RAB31: variants seen among roughly 807,000 people sequenced by gnomAD.
RAB31 encodes RAB31, member RAS oncogene family.
Under a neutral mutation model 25.6 loss-of-function variants are expected in RAB31, and 21 were observed. The ratio of observed to expected loss-of-function variants is 0.82; its 90% CI spans 0.58 to 1.18. RAB31 has a LOEUF of 1.18. Among genes scored for constraint, RAB31 ranks in the 50% most tolerant of loss-of-function variants. The pLI is 0.00. For synonymous variants in RAB31, 87 were observed against 84.0 expected, an observed-to-expected ratio of 1.04 and a Z score of -0.20; for missense variants, 196 against 250.1, an observed-to-expected ratio of 0.78 and a Z score of 1.46.
At position 9,814,975 on chromosome 18, in the gene RAB31, T is replaced by C. The variant is rs560105453; in HGVS notation, c.274-141T>C. The C allele has an allele frequency of 6.9e-4, 400 of 577,940 alleles. 4 individuals carry two copies. The South Asian group carries it at 7.5e-3, about 11-fold the overall frequency. 35.8% of individuals were successfully genotyped at this position (577,940 alleles called of 1,614,324 possible). On this transcript the variant is annotated intron_variant, in intron 4 of 6. Coordinates refer to ENST00000578921, the MANE Select transcript of RAB31 (RefSeq NM_006868.4). ...TTCAGCTAACATTAACTTTTGTGCC[T>C]AGACAGAGGTAGTATGTTAATCTGC...
intron 5 of RAB31, among the ~76,000 whole-genome samples, chr18:9,818,746 T>G (rs955069531): frequency 1.3e-5 from 2 of 152,200 alleles, no homozygotes; most frequent in Admixed American, 6.5e-5. Flanking sequence ...GTAATAATTT[T>G]GGGAACTCAC....
At chr18:9,745,432 A>G (rs1449117621) in intron 1 of RAB31, among the ~76,000 whole-genome samples, 1 of 152,220 alleles carries the variant, frequency 6.6e-6, no homozygotes, top group Non-Finnish European at 1.5e-5. Flanking sequence ...GAATACATCT[A>G]ATTTATTTTA....
chr18:9,800,499 A>G (rs193156244), intron 3 of RAB31, among the ~76,000 whole-genome samples: 51 of 152,262 alleles, frequency 3.3e-4, no homozygotes, highest in African/African-American at 1.2e-3. Flanking sequence ...ATGGTTTCTA[A>G]AAAGAGCCCA....
intron 6 of RAB31, among the ~76,000 whole-genome samples, chr18:9,856,717 A>G (rs2068817759): frequency 6.6e-6 from 1 of 152,216 alleles, no homozygotes. Flanking sequence ...GAATTATAGT[A>G]CTGTCCAAAA....
chr18:9,710,187 C>G (rs534799976), intron 1 of RAB31, among the ~76,000 whole-genome samples: 1 of 152,140 alleles, frequency 6.6e-6, no homozygotes, highest in African/African-American at 2.4e-5. Context: ...GAAACCTAGG[C>G]TCTCGTTCTT....
chr18:9,798,723 A>G (rs1246777150), intron 3 of RAB31, among the ~76,000 whole-genome samples: 1 of 151,860 alleles, frequency 6.6e-6, no homozygotes, highest in Non-Finnish European at 1.5e-5. Context: ...GGCCTGGTCA[A>G]TCCTCCTGCT....
chr18:9,808,026 TG>T (rs1242371427), intron 3 of RAB31, among the ~76,000 whole-genome samples: 1 of 152,088 alleles, frequency 6.6e-6, no homozygotes, highest in Non-Finnish European at 1.5e-5. Flanking sequence ...ATCGTTTTTG[TG>T]GAAAGATGTT....
In RAB31 at chr18:9,855,040, C is replaced by T. The variant is rs1286245750; in HGVS notation, c.491-4188C>T. ...TGGTTAGCGGGAGAATCAGCGCTTG[C>T]GCAGGAAATGGCTGGTCCACGGGGA... is the stretch of plus-strand genomic sequence containing the variant. On this transcript the variant is annotated intron_variant, in intron 6 of 6. Transcript: ENST00000578921. Among the ~76,000 whole-genome samples, 4 of 152,170 alleles carry T rather than the reference C, an allele frequency of 2.6e-5. No homozygotes were observed. In the East Asian group the frequency reaches 5.8e-4, roughly 22 times the overall value.
chr18:9,785,471 C>CAT (rs1277173519), intron 2 of RAB31, among the ~76,000 whole-genome samples: 5 of 152,260 alleles, frequency 3.3e-5, no homozygotes, highest in Middle Eastern at 6.8e-3. Context: ...GTCATATTTG[C>CAT]ATATATATAG....
At chr18:9,747,032 A>G (rs1374973262) in intron 1 of RAB31, among the ~76,000 whole-genome samples, 1 of 152,258 alleles carries the variant, frequency 6.6e-6, no homozygotes, top group Non-Finnish European at 1.5e-5. Context: ...AGGGCCTGGT[A>G]TCCAGATATA....
chr18:9,752,887 G>GGTTC, intron 1 of RAB31, among the ~76,000 whole-genome samples: 1 of 152,218 alleles, frequency 6.6e-6, no homozygotes, highest in South Asian at 2.1e-4. Flanking sequence ...AATATGCAGT[G>GGTTC]GTTCATACAA....
At chr18:9,734,302 C>G (rs953592319) in intron 1 of RAB31, among the ~76,000 whole-genome samples, 1 of 152,202 alleles carries the variant, frequency 6.6e-6, no homozygotes, top group Non-Finnish European at 1.5e-5. Context: ...AAGTTAAATA[C>G]TTGCTCAGGG....
At chr18:9,789,299 A>G (rs2068448412) in intron 2 of RAB31, among the ~76,000 whole-genome samples, 1 of 152,222 alleles carries the variant, frequency 6.6e-6, no homozygotes, top group South Asian at 2.1e-4. Flanking sequence ...GGAGGAAAAT[A>G]TTCTAGTGTT....
At chr18:9,753,441 G>A (rs2068245396) in intron 1 of RAB31, among the ~76,000 whole-genome samples, 1 of 152,208 alleles carries the variant, frequency 6.6e-6, no homozygotes, top group Non-Finnish European at 1.5e-5. Flanking sequence ...GGACTCTACA[G>A]AGTCCTCACC....
rs574501471 is a variant in RAB31 at position 9,819,429 on chromosome 18, G to A, written c.380+4207G>A. Among the ~76,000 whole-genome samples, 35 of 152,236 alleles carry A rather than the reference G, an allele frequency of 2.3e-4. No homozygotes were observed. In the South Asian group the frequency reaches 3.9e-3, roughly 17 times the overall value. On this transcript the variant is annotated intron_variant, in intron 5 of 6. Transcript: ENST00000578921. ...CTTAACTTTATTAGTTGATCTACAC[G>A]TCTGTCCTGACACCAGTGTTATACT... is the stretch of plus-strand genomic sequence containing the variant.
chr18:9,718,989 G>T (rs1386367468), intron 1 of RAB31, among the ~76,000 whole-genome samples: 1 of 151,862 alleles, frequency 6.6e-6, no homozygotes, highest in East Asian at 1.9e-4. Flanking sequence ...CAATTTGAAG[G>T]CCAGGCATGG....
chr18:9,772,725 G>T (rs1392449077), intron 1 of RAB31, among the ~76,000 whole-genome samples: 1 of 152,170 alleles, frequency 6.6e-6, no homozygotes, highest in African/African-American at 2.4e-5. Flanking sequence ...CAGTTTGTAG[G>T]AATCAGCTGG....
chr18:9,738,938 C>T (rs1260914020), intron 1 of RAB31, among the ~76,000 whole-genome samples: 1 of 152,174 alleles, frequency 6.6e-6, no homozygotes, highest in African/African-American at 2.4e-5. Context: ...ACGCTGGTGT[C>T]CGCTGAAGAA....
At chr18:9,808,189 T>C (rs2068551827) in intron 3 of RAB31, among the ~76,000 whole-genome samples, 1 of 152,104 alleles carries the variant, frequency 6.6e-6, no homozygotes, top group Non-Finnish European at 1.5e-5. Context: ...GAAAGCTTTT[T>C]GGCTCTAACA....
Sources: gnomAD v4.1 joint callset for allele counts (sites outside exome capture counted in the v4.1 genomes callset) on GRCh38, gnomAD v4.1.1 for gene constraint, MANE v1.5 for transcripts, NCBI Gene and HGNC (gene_info 2026-07-23, HGNC 2026-07-21) for gene names.